Variants in CBR4 observed in about 807,000 individuals in gnomAD.
CBR4 encodes 3-oxoacyl-[acyl-carrier-protein] reductase.
In CBR4, 22 loss-of-function variants were observed where a neutral mutation model predicts 21.0. The observed-to-expected ratio is 1.05, with a 90% CI of 0.75 to 1.50. The LOEUF is 1.50. Ranked by LOEUF, CBR4 falls within the 40% of genes most tolerant of loss-of-function variation. The probability of loss-of-function intolerance (pLI) is 0.00; values close to 1 mark genes in which losing one functional copy is unlikely to be tolerated. For synonymous variants in CBR4, 100 were observed against 104.4 expected (o/e 0.96, Z 0.26); for missense variants, 302 against 286.3 (o/e 1.05, Z -0.40).
intron 2 of CBR4, among the ~76,000 whole-genome samples, chr4:168,914,354 A>G (rs1759670293): frequency 6.6e-6 from 1 of 152,264 alleles, no homozygotes; most frequent in Admixed American, 6.5e-5. Flanking sequence ...GTTGGAAACC[A>G]AACTTCTGTA....
intron 2 of CBR4, among the ~76,000 whole-genome samples, chr4:168,945,210 T>A (rs1763370339): frequency 6.6e-6 from 1 of 152,158 alleles, no homozygotes; most frequent in African/African-American, 2.4e-5. Flanking sequence ...CACTCTGCAT[T>A]TTAACAAACC....
At chr4:168,978,179 C>T (rs1764428944) in intron 2 of CBR4, among the ~76,000 whole-genome samples, 1 of 152,206 alleles carries the variant, frequency 6.6e-6, no homozygotes, top group Admixed American at 6.5e-5. Context: ...CAATTCCTGA[C>T]TCACAATGTT....
chr4:168,902,442 CCTAT>C (rs757127753), intron 2 of CBR4, among the ~76,000 whole-genome samples: 14 of 152,100 alleles, frequency 9.2e-5, no homozygotes, highest in Non-Finnish European at 1.9e-4. Context: ...TTATGATGGG[CCTAT>C]CTTTCAACTG....
chr4:168,944,220 G>GCC (rs1763341654), intron 2 of CBR4, among the ~76,000 whole-genome samples: 1 of 152,110 alleles, frequency 6.6e-6, no homozygotes, highest in Admixed American at 6.5e-5. Context: ...CGAAGTGGGA[G>GCC]GATGGCTTGA....
chr4:169,009,670 G>A (rs761540015), intron 1 of CBR4, among the ~76,000 whole-genome samples: 1 of 152,238 alleles, frequency 6.6e-6, no homozygotes, highest in Non-Finnish European at 1.5e-5. Flanking sequence ...CGGAGGGTGC[G>A]TATAGCGGGG....
At chr4:168,954,646 G>C (rs1037940529) in intron 2 of CBR4, among the ~76,000 whole-genome samples, 1 of 152,102 alleles carries the variant, frequency 6.6e-6, no homozygotes, top group Non-Finnish European at 1.5e-5. Context: ...AATACTGAAG[G>C]TCTCAAATAT....
At position 168,976,302 on chromosome 4, in the gene CBR4, C is replaced by T. The variant is rs551267828; in HGVS notation, n.169+25769G>A. On this transcript the variant is annotated intron_variant and non_coding_transcript_variant, in intron 2 of 3. Transcript: ENST00000509108. ...TCGAGCTAAGGACTGGGAGTACCTA[C>T]GGGGCTCCTCCTGCTGCTTCTTCTA... Among the ~76,000 whole-genome samples, 4 of 152,306 alleles carry T rather than the reference C, an allele frequency of 2.6e-5. No homozygotes were observed. In the South Asian group the frequency reaches 6.2e-4, roughly 24 times the overall value.
At chr4:168,967,120 T>A (rs1207986965) in intron 2 of CBR4, among the ~76,000 whole-genome samples, 1 of 151,912 alleles carries the variant, frequency 6.6e-6, no homozygotes, top group Non-Finnish European at 1.5e-5. Flanking sequence ...TGTCCATCAA[T>A]GATAGAGTAG....
chr4:168,909,387 C>T (rs1249349569), intron 2 of CBR4, among the ~76,000 whole-genome samples: 2 of 152,034 alleles, frequency 1.3e-5, no homozygotes, highest in African/African-American at 2.4e-5. Context: ...AATAATTGGC[C>T]TTGCACAAGG....
At chr4:168,961,046 C>T (rs763144175) in intron 2 of CBR4, among the ~76,000 whole-genome samples, 2 of 152,156 alleles carry the variant, frequency 1.3e-5, no homozygotes, top group Non-Finnish European at 2.9e-5. Context: ...AAAGTGATCA[C>T]GTATTACAAG....
chr4:168,926,502 A>AAAC (rs965641965), intron 2 of CBR4: 2 of 717,646 alleles, frequency 2.8e-6, no homozygotes, highest in Admixed American at 3.1e-5. Flanking sequence ...AATTAAAAAA[A>AAAC]AAACACCAAA....
chr4:168,917,256 G>C (rs1760365790), intron 2 of CBR4, among the ~76,000 whole-genome samples: 1 of 151,572 alleles, frequency 6.6e-6, no homozygotes, highest in African/African-American at 2.4e-5. Context: ...CACCATATTG[G>C]CCAGGCTGGT....
intron 2 of CBR4, among the ~76,000 whole-genome samples, chr4:168,919,941 T>C (rs1474284032): frequency 2.6e-5 from 4 of 152,142 alleles, no homozygotes; most frequent in Admixed American, 2.6e-4. Context: ...AACTATCCAC[T>C]GGGTAGGTTC....
intron 2 of CBR4, among the ~76,000 whole-genome samples, chr4:168,949,561 G>C (rs552743092): frequency 1.1e-4 from 16 of 152,248 alleles, no homozygotes; most frequent in Non-Finnish European, 2.2e-4. Context: ...ATTTTGCTGA[G>C]AGTTTTAATC....
At chr4:168,903,665 G>A in intron 2 of CBR4, 1 of 1,041,766 alleles carries the variant, frequency 9.6e-7, no homozygotes, top group Non-Finnish European at 1.5e-6. Context: ...ACTCAGATCA[G>A]CTCTGCAAAC....
intron 2 of CBR4, among the ~76,000 whole-genome samples, chr4:168,929,976 C>T (rs1762923761): frequency 6.6e-6 from 1 of 152,114 alleles, no homozygotes; most frequent in South Asian, 2.1e-4. Context: ...TACCCCCTAG[C>T]TGAAATTTAG....
intron 2 of CBR4, among the ~76,000 whole-genome samples, chr4:168,912,533 C>T (rs979769369): frequency 8.5e-5 from 13 of 152,178 alleles, no homozygotes; most frequent in African/African-American, 2.9e-4. Context: ...CATCTGGGTG[C>T]CCTGAGTATT....
intron 2 of CBR4, among the ~76,000 whole-genome samples, chr4:168,965,832 T>C (rs931980828): frequency 3.3e-5 from 5 of 152,130 alleles, no homozygotes; most frequent in Non-Finnish European, 5.9e-5. Flanking sequence ...ATTCAGGACA[T>C]AGACATGGGC....
chr4:168,951,271 A>G (rs1763533027), intron 2 of CBR4, among the ~76,000 whole-genome samples: 1 of 152,076 alleles, frequency 6.6e-6, no homozygotes, highest in Non-Finnish European at 1.5e-5. Flanking sequence ...GTTGGCCACA[A>G]TGGTCTCGAT....
Sources: allele counts gnomAD v4.1 joint callset (sites outside exome capture counted in the v4.1 genomes callset), GRCh38; gene constraint gnomAD v4.1.1; transcripts MANE v1.5; gene names NCBI Gene and HGNC (gene_info 2026-07-23, HGNC 2026-07-21).